LRP1B: variants seen among roughly 807,000 people sequenced by gnomAD.
LRP1B encodes the protein LDL receptor related protein 1B.
In LRP1B, 217 loss-of-function variants were observed where a neutral mutation model predicts 556.6. The observed-to-expected ratio is 0.39, with a 90% CI of 0.35 to 0.44. LRP1B has a LOEUF of 0.44. Among genes scored for constraint, LRP1B ranks in the 20% least tolerant of loss-of-function variants. LRP1B has a pLI of 1.00. For synonymous variants in LRP1B, 2,047 were observed against 1,865.8 expected (o/e 1.10, Z -2.50); for missense variants, 5,053 against 5,620.8 (o/e 0.90, Z 3.23).
At chr2:140,572,156 A>C (rs927409445) in intron 43 of LRP1B, among the ~76,000 whole-genome samples, 1 of 151,834 alleles carries the variant, frequency 6.6e-6, no homozygotes, top group African/African-American at 2.4e-5. Flanking sequence ...GATTATATGA[A>C]TCTAAAAAGC....
intron 32 of LRP1B, among the ~76,000 whole-genome samples, chr2:140,789,192 C>G (rs939002121): frequency 6.6e-6 from 1 of 152,124 alleles, no homozygotes; most frequent in African/African-American, 2.4e-5. Flanking sequence ...GAGGTCCAGT[C>G]TGAGAAGCAA....
chr2:141,207,007 T>G (rs1440402278), intron 6 of LRP1B, among the ~76,000 whole-genome samples: 2 of 152,324 alleles, frequency 1.3e-5, no homozygotes, highest in Admixed American at 6.5e-5. Flanking sequence ...ATTTCAAGTT[T>G]CCAGCGTATT....
chr2:140,697,206 G>A (rs1004422635), intron 41 of LRP1B, among the ~76,000 whole-genome samples: 1 of 152,068 alleles, frequency 6.6e-6, no homozygotes, highest in Admixed American at 6.6e-5. Flanking sequence ...GAATTAGAGT[G>A]ATTTGATTGT....
intron 57 of LRP1B, 23 bp from the exon 58 acceptor site, chr2:140,487,762 T>A: frequency 6.9e-7 from 1 of 1,439,694 alleles, no homozygotes; most frequent in Non-Finnish European, 9.5e-7. Flanking sequence ...AAGACTATGT[T>A]GTCAATGATA....
intron 83 of LRP1B, among the ~76,000 whole-genome samples, chr2:140,300,297 T>C (rs1365376263): frequency 6.6e-6 from 1 of 152,182 alleles, no homozygotes; most frequent in Non-Finnish European, 1.5e-5. Flanking sequence ...GCTGATCTTT[T>C]GTTTTCTGAT....
chr2:141,059,627 C>A (rs1699282963), intron 8 of LRP1B, among the ~76,000 whole-genome samples: 1 of 151,788 alleles, frequency 6.6e-6, no homozygotes, highest in South Asian at 2.1e-4. Context: ...TAAATGTCAA[C>A]ATTTCACTCA....
intron 2 of LRP1B, among the ~76,000 whole-genome samples, chr2:141,662,943 G>A (rs911905624): frequency 2.0e-5 from 3 of 147,188 alleles, no homozygotes; most frequent in Non-Finnish European, 4.5e-5. Flanking sequence ...ACACTCTTCA[G>A]CAAATGCAAA....
intron 59 of LRP1B, 69 bp from the exon 60 acceptor site, chr2:140,475,406 AC>A: frequency 8.3e-7 from 1 of 1,210,548 alleles, no homozygotes; most frequent in Non-Finnish European, 1.2e-6. Context: ...ACAATATATT[AC>A]TTTTTTGCTC....
chr2:141,370,584 T>G (rs1219704723), intron 3 of LRP1B, among the ~76,000 whole-genome samples: 1 of 152,204 alleles, frequency 6.6e-6, no homozygotes, highest in Non-Finnish European at 1.5e-5. Flanking sequence ...AAATATTTTC[T>G]CCCATTCTGC....
intron 41 of LRP1B, among the ~76,000 whole-genome samples, chr2:140,602,927 C>T (rs1682729216): frequency 6.6e-6 from 1 of 151,828 alleles, no homozygotes; most frequent in Admixed American, 6.6e-5. Flanking sequence ...AAAGCTGAAA[C>T]TTATAGTCAC....
intron 63 of LRP1B, among the ~76,000 whole-genome samples, chr2:140,448,110 TGAAA>T (rs1452475520): frequency 2.0e-5 from 3 of 152,030 alleles, no homozygotes; most frequent in Non-Finnish European, 4.4e-5. Flanking sequence ...TACCACATTG[TGAAA>T]GAGAGACAAA....
chr2:140,722,836 G>A (rs1315127959), intron 35 of LRP1B, among the ~76,000 whole-genome samples: 1 of 152,166 alleles, frequency 6.6e-6, no homozygotes, highest in Non-Finnish European at 1.5e-5. Flanking sequence ...GAGGTCAGGA[G>A]ATCGAAACCA....
At chr2:141,630,089 C>T (rs1290326954) in intron 2 of LRP1B, among the ~76,000 whole-genome samples, 2 of 152,200 alleles carry the variant, frequency 1.3e-5, no homozygotes, top group African/African-American at 4.8e-5. Flanking sequence ...CTACCACCCA[C>T]AGAAGTAGCT....
intron 5 of LRP1B, among the ~76,000 whole-genome samples, chr2:141,243,145 A>ATT (rs11412631): frequency 2.3e-4 from 33 of 146,212 alleles, no homozygotes; most frequent in South Asian, 4.3e-4. Flanking sequence ...TATTATTTTT[A>ATT]TTTTTTTTTT....
intron 66 of LRP1B, among the ~76,000 whole-genome samples, chr2:140,391,470 T>C (rs990559867): frequency 6.7e-6 from 1 of 149,334 alleles, no homozygotes; most frequent in Non-Finnish European, 1.5e-5. Context: ...ACACGTTGTA[T>C]ACTGTAGAAG....
chr2:141,358,824 G>A (rs781615505), intron 3 of LRP1B, among the ~76,000 whole-genome samples: 65 of 152,062 alleles, frequency 4.3e-4, no homozygotes, highest in Middle Eastern at 3.4e-3. Flanking sequence ...TTGGAGGTTC[G>A]CATAAATGGA....
chr2:141,095,484 G>A lies in LRP1B; in HGVS notation c.1014-33211C>T, dbSNP rs1329218014. Reference sequence around the variant, plus strand: ...ATACAACATACATTAAGTTCCCCTAGAATTTAATTTTTTTTTTTCTAGAGG... The same window carrying A: ...ATACAACATACATTAAGTTCCCCTAAAATTTAATTTTTTTTTTTCTAGAGG... On this transcript the variant is annotated intron_variant, in intron 7 of 90. Transcript: ENST00000389484. Among the ~76,000 whole-genome samples the A allele has an allele frequency of 1.5e-4, 8 of 53,424 alleles. No homozygotes were observed. In the Admixed American group the frequency reaches 1.8e-3, roughly 12 times the overall value. The allele number at this position is 53,424 out of a possible 152,430, so 35.0% of individuals were successfully genotyped here. A position where few individuals can be genotyped will look rare whatever the true frequency, so the allele number is the denominator to read the frequency against.
chr2:141,524,693 T>C (rs887662609), intron 2 of LRP1B, among the ~76,000 whole-genome samples: 4 of 152,056 alleles, frequency 2.6e-5, no homozygotes, highest in African/African-American at 7.2e-5. Context: ...TAATTACCAT[T>C]AAATTACTTT....
chr2:141,376,811 C>G (rs72846803), intron 3 of LRP1B, among the ~76,000 whole-genome samples: 1 of 152,044 alleles, frequency 6.6e-6, no homozygotes, highest in Non-Finnish European at 1.5e-5. Flanking sequence ...AATTATCAGA[C>G]TATAAAAACA....
Sources: allele counts gnomAD v4.1 joint callset (sites outside exome capture counted in the v4.1 genomes callset), GRCh38; gene constraint gnomAD v4.1.1; transcripts MANE v1.5; gene names NCBI Gene and HGNC (gene_info 2026-07-23, HGNC 2026-07-21).